Variants in RTTN observed in about 807,000 individuals in gnomAD.
RTTN encodes rotatin.
A neutral mutation model predicts 269.2 loss-of-function variants in RTTN; 182 were observed. The observed-to-expected ratio is 0.68, with a 90% CI of 0.60 to 0.76. The LOEUF is 0.76. Among genes scored for constraint, RTTN ranks in the 30% least tolerant of loss-of-function variants. The pLI is 0.00. For missense variants in RTTN, 2,545 were observed against 2,608.6 expected (o/e 0.98, Z 0.53); for synonymous variants, 1,006 against 963.5 (o/e 1.04, Z -0.82).
chr18:70,158,377 T>G (rs1230824158), intron 14 of RTTN, among the ~76,000 whole-genome samples: 1 of 152,134 alleles, frequency 6.6e-6, no homozygotes, highest in South Asian at 2.1e-4. Flanking sequence ...AACAAAATTA[T>G]TTTCAGAGAA....
chr18:70,148,606 T>C (rs946315774), intron 17 of RTTN, among the ~76,000 whole-genome samples: 1 of 152,202 alleles, frequency 6.6e-6, no homozygotes, highest in Non-Finnish European at 1.5e-5. Context: ...TTTTACCATC[T>C]ATTTATCTCC....
chr18:70,179,316 T>C (rs2061369269), intron 10 of RTTN, among the ~76,000 whole-genome samples: 2 of 152,322 alleles, frequency 1.3e-5, no homozygotes, highest in South Asian at 4.1e-4. Context: ...GAACAACATC[T>C]CTATTATTCA....
At chr18:70,028,877 C>T in intron 42 of RTTN, 76 bp from the exon 43 acceptor site, 1 of 1,001,934 alleles carries the variant, frequency 1.0e-6, no homozygotes, top group Non-Finnish European at 1.5e-6. Flanking sequence ...AATTCCCTCC[C>T]CTTTGGGTCA....
chr18:70,109,847 A>C, intron 27 of RTTN, 130 bp from the exon 28 acceptor site: 1 of 667,272 alleles, frequency 1.5e-6, no homozygotes, highest in Non-Finnish European at 2.5e-6. Flanking sequence ...AAATGGCAGA[A>C]AATAGTCTCT....
At chr18:70,188,974 C>T (rs984573775) in intron 9 of RTTN, among the ~76,000 whole-genome samples, 14 of 152,172 alleles carry the variant, frequency 9.2e-5, no homozygotes, top group Non-Finnish European at 1.8e-4. Context: ...AATTCTCTTA[C>T]AAATCTCTTA....
At chr18:70,110,687 G>C (rs533752012) in intron 27 of RTTN, among the ~76,000 whole-genome samples, 1 of 152,114 alleles carries the variant, frequency 6.6e-6, no homozygotes, top group South Asian at 2.1e-4. Context: ...CCCCAGTGGC[G>C]CCTGGAACAG....
At chr18:70,042,533 G>A (rs888930384) in intron 40 of RTTN, among the ~76,000 whole-genome samples, 1 of 152,008 alleles carries the variant, frequency 6.6e-6, no homozygotes. Context: ...CCGCCGCCAT[G>A]TCTGGCTAAT....
At position 70,121,192 on chromosome 18, in the gene RTTN, C is replaced by T. The variant is rs75123297; in HGVS notation, c.3528+364G>A. 5.0e-3 allele frequency among the ~76,000 whole-genome samples: 766 copies of T among 152,238 alleles called. 5 individuals are homozygous for T. The highest frequency in any genetic ancestry group is 0.017 in the African/African-American group (726 of 41,534). On this transcript the variant is annotated intron_variant, in intron 26 of 48. Transcript: ENST00000640769. ...TCTTTATAACTGCACCATCACTATA[C>T]CCCCTCCTGCCTCCATCTGGCTTTG...
chr18:70,099,351 T>C (rs1194158743), intron 28 of RTTN, among the ~76,000 whole-genome samples: 1 of 152,238 alleles, frequency 6.6e-6, no homozygotes, highest in Non-Finnish European at 1.5e-5. Context: ...GAGCATTCTT[T>C]CATGTGTCTG....
intron 46 of RTTN, among the ~76,000 whole-genome samples, chr18:70,016,962 A>C (rs1409974980): frequency 6.6e-6 from 1 of 152,094 alleles, no homozygotes; most frequent in Non-Finnish European, 1.5e-5. Flanking sequence ...GGGAAACAAA[A>C]CCAGGAAAGG....
chr18:70,174,979 G>C (rs1214624643), intron 11 of RTTN, among the ~76,000 whole-genome samples: 1 of 126,548 alleles, frequency 7.9e-6, no homozygotes, highest in East Asian at 2.5e-4. Context: ...AGTGAGCCAA[G>C]AAAGTGCCAC....
At position 70,092,736 on chromosome 18, in the gene RTTN, C is replaced by A. The variant is rs1313634570; in HGVS notation, c.3972G>T (p.Lys1324Asn). ...AMSFMGKGVT[K>N]STILCLLHLS... ...AGTGAAGCAAGCAAAGAATTGTGCT[C>A]TTTGTAACACCTTTTCCCATGAAGG... Residue 1324 changes from lysine to asparagine, a missense_variant, in exon 29 of 49, where the codon AAG (lysine) becomes AAT (asparagine). Lys to Asn is a moderately conservative substitution (Grantham distance 94). Coordinates refer to ENST00000640769, the MANE Select transcript of RTTN (RefSeq NM_173630.4). The A allele has an allele frequency of 6.2e-7, 1 of 1,613,742 alleles. No homozygotes were observed. Among genetic ancestry groups the A allele is most frequent in the Non-Finnish European group, 8.5e-7 (1 of 1,179,728 alleles).
At chr18:70,180,410 A>T (rs2061397035) in intron 10 of RTTN, among the ~76,000 whole-genome samples, 1 of 152,134 alleles carries the variant, frequency 6.6e-6, no homozygotes, top group African/African-American at 2.4e-5. Flanking sequence ...GGCAAAACCC[A>T]GTCTCTGCTA....
intron 46 of RTTN, among the ~76,000 whole-genome samples, chr18:70,011,762 T>C (rs200713583): frequency 1.3e-5 from 2 of 152,102 alleles, no homozygotes; most frequent in African/African-American, 4.8e-5. Context: ...GATAAATAAA[T>C]AAGGGTACTA....
intron 28 of RTTN, among the ~76,000 whole-genome samples, chr18:70,100,438 G>A (rs574844346): frequency 2.0e-5 from 3 of 152,200 alleles, no homozygotes; most frequent in East Asian, 1.9e-4. Flanking sequence ...TGTATCCTGC[G>A]ACTTTGCTGA....
chr18:70,060,365 A>G (rs2057945581), intron 35 of RTTN, among the ~76,000 whole-genome samples: 1 of 152,234 alleles, frequency 6.6e-6, no homozygotes, highest in Non-Finnish European at 1.5e-5. Flanking sequence ...AAGATGATTT[A>G]CAATCCTTTT....
In RTTN at chr18:70,155,310, C is replaced by A. The variant is rs374769969; in HGVS notation, c.1930-4577G>T. 2.7e-4 allele frequency among the ~76,000 whole-genome samples: 41 copies of A among 152,198 alleles called. 1 individual carries two copies. Among genetic ancestry groups the A allele is most frequent in the African/African-American group, 7.9e-4 (33 of 41,512 alleles). On this transcript the variant is annotated intron_variant, in intron 14 of 48. Coordinates refer to ENST00000640769, the MANE Select transcript of RTTN (RefSeq NM_173630.4). ...ATACAAGATCACAAGAAAAAGCTAC[C>A]CTGCCAAAGAAGACCTGAAAATCAA... is the stretch of plus-strand genomic sequence containing the variant.
In RTTN at chr18:70,116,089, G is replaced by A. The variant is rs187434905; in HGVS notation, c.3529-1490C>T. ...TGTTTCATACATGAATAAAAGAATC[G>A]AAATACACATTTAGTAAATCATAAA... On this transcript the variant is annotated intron_variant, in intron 26 of 48. Transcript: ENST00000640769. Among the ~76,000 whole-genome samples, 206 of 151,798 alleles carry A rather than the reference G, an allele frequency of 1.4e-3. 4 individuals carry two copies. Among genetic ancestry groups the A allele is most frequent in the South Asian group, 0.012 (60 of 4,824 alleles).
Position 70,020,902 on chromosome 18 carries a change from T to C in RTTN, c.5951-85A>G, listed in dbSNP as rs1028088205. 2.7e-6 allele frequency: 3 copies of C among 1,129,480 alleles called. No homozygotes were observed. The South Asian group carries it at 4.4e-5, about 17-fold the overall frequency. 70.0% of individuals were successfully genotyped at this position (1,129,480 alleles called of 1,614,324 possible). On this transcript the variant is annotated intron_variant, in intron 44 of 48. Transcript: ENST00000640769. ...CACTAAGTGGCAAAGCATATCTGTC[T>C]AACAAAATGACTAGGCCATTAACCT... is the stretch of plus-strand genomic sequence containing the variant.
Sources: gnomAD v4.1 joint callset for allele counts (sites outside exome capture counted in the v4.1 genomes callset) on GRCh38, gnomAD v4.1.1 for gene constraint, MANE v1.5 for transcripts, NCBI Gene and HGNC (gene_info 2026-07-23, HGNC 2026-07-21) for gene names.